TMPRSS13: variants seen among roughly 807,000 people sequenced by gnomAD.
The protein encoded by TMPRSS13 is transmembrane protease serine 13.
A neutral mutation model predicts 68.4 loss-of-function variants in TMPRSS13; 50 were observed. The ratio of observed to expected loss-of-function variants is 0.73; its 90% CI spans 0.58 to 0.93. The LOEUF (loss-of-function observed/expected upper bound fraction) is 0.93, where lower values mean the gene tolerates loss of function less well. TMPRSS13 is among the 40% of genes least tolerant of loss of function. TMPRSS13 has a pLI of 0.00. For synonymous variants in TMPRSS13, 267 were observed against 285.8 expected, an observed-to-expected ratio of 0.93 and a Z score of 0.66; for missense variants, 615 against 729.2, an observed-to-expected ratio of 0.84 and a Z score of 1.80.
intron 12 of TMPRSS13, 170 bp downstream of exon 12, chr11:117,903,471 GCAGGGAAAGAAACA>G: frequency 6.5e-7 from 1 of 1,539,070 alleles, no homozygotes; most frequent in East Asian, 2.4e-5. Flanking sequence ...GGGAAGAAAA[GCAGGGAAAGAAACA>G]CAGACAGCTG....
At chr11:117,903,851 C>G in intron 11 of TMPRSS13, 44 bp from the exon 12 acceptor site, 1 of 1,601,422 alleles carries the variant, frequency 6.2e-7, no homozygotes, top group Non-Finnish European at 8.5e-7. Flanking sequence ...GACAGGTGGT[C>G]CATGAGCGGG....
At position 117,903,943 on chromosome 11, in the gene TMPRSS13, C is replaced by A; in HGVS notation, c.1524+16G>T. ...CAGGGTGCTGGGACCTGAGCCCCAC[C>A]CACAGGTACCCTCACCTGGCAGGAG... On this transcript the variant is annotated intron_variant, in intron 11 of 12. Coordinates refer to ENST00000524993, the MANE Select transcript of TMPRSS13 (RefSeq NM_001077263.3). The A allele has an allele frequency of 6.2e-7, 1 of 1,609,184 alleles. No homozygotes were observed. Among genetic ancestry groups the A allele is most frequent in the East Asian group, 2.2e-5 (1 of 44,606 alleles).
rs925149003 is a variant in TMPRSS13, at chr11:117,914,434, C to T, written c.637G>A (p.Gly213Arg). 4.2e-5 allele frequency: 67 copies of T among 1,613,978 alleles called. No individual in the cohort carries two copies. Among genetic ancestry groups the T allele is most frequent in the Middle Eastern group, 1.6e-4 (1 of 6,084 alleles). ...CTCTTCAGCTTGCAGTCCACCACCCCGTCACAGCGAACAGCGTGCTTGGGA... is the reference window on the plus strand; with the variant it reads ...CTCTTCAGCTTGCAGTCCACCACCCTGTCACAGCGAACAGCGTGCTTGGGA... ...SCPKHAVRCD[G>R]VVDCKLKSDE... is the part of the protein sequence containing the mutation. The change falls in exon 4 of 13, where the codon GGG (glycine) becomes AGG (arginine). Residue 213 changes from glycine to arginine, a missense_variant. Gly to Arg is a moderately radical substitution (Grantham distance 125). Coordinates refer to ENST00000524993, the MANE Select transcript of TMPRSS13 (RefSeq NM_001077263.3). This position sits in a 1 kb window ranked among gnomAD's most constrained non-coding sequence, Gnocchi z 4.2.
Position 117,918,645 on chromosome 11 carries a change from C to T in TMPRSS13, c.215G>A (p.Gly72Asp). Residue 72 changes from glycine (G) to aspartate (D), a missense_variant, in exon 2 of 13, where the codon GGC becomes GAC. Transcript: ENST00000524993. The part of the protein sequence containing the change: ...AGTPPGRASP[G>D]RASPAQASPA... ...AGATGCCTGGGCTGGAGATGCCCGG[C>T]CTGGAGATGCCCGGCCTGGAGGTGT... The T allele has an allele frequency of 1.3e-6, 2 of 1,581,722 alleles. No individual in the cohort carries two copies. The highest frequency in any genetic ancestry group is 1.7e-6 in the Non-Finnish European group (2 of 1,163,990).
intron 8 of TMPRSS13, 127 bp from the exon 9 acceptor site, chr11:117,908,911 C>T: frequency 2.2e-6 from 2 of 903,508 alleles, no homozygotes; most frequent in East Asian, 5.3e-5. Flanking sequence ...AAAATGACCT[C>T]TGGAGGGAAC....
chr11:117,906,370 C>A (rs114744837), intron 9 of TMPRSS13, among the ~76,000 whole-genome samples: 2 of 152,204 alleles, frequency 1.3e-5, no homozygotes, highest in African/African-American at 4.8e-5. Context: ...ACTTCATAAG[C>A]TCTGAGGACT....
chr11:117,908,292 C>T (rs1269169630), intron 9 of TMPRSS13: 14 of 547,526 alleles, frequency 2.6e-5, no homozygotes, highest in Non-Finnish European at 6.4e-6. Flanking sequence ...CCTACCATAG[C>T]GTTTGGCCCC....
chr11:117,917,650 T>C (rs867581671), intron 2 of TMPRSS13, among the ~76,000 whole-genome samples: 8 of 152,138 alleles, frequency 5.3e-5, no homozygotes, highest in African/African-American at 1.9e-4. Flanking sequence ...CAGGGTTACT[T>C]GGTGAGTTAG....
chr11:117,917,321 C>A, intron 2 of TMPRSS13, 47 bp from the exon 3 acceptor site: 1 of 1,467,166 alleles, frequency 6.8e-7, no homozygotes, highest in South Asian at 1.2e-5. Context: ...GAGAGGAGTC[C>A]GACGAGATGG....
rs758139152 is a variant in TMPRSS13, at chr11:117,910,727, T to C, written c.926A>G (p.Tyr309Cys). 4 of 1,609,190 alleles carry C rather than the reference T, an allele frequency of 2.5e-6. No individual in the cohort carries two copies. Among genetic ancestry groups the C allele is most frequent in the Non-Finnish European group, 2.5e-6 (3 of 1,177,264 alleles). The change falls in exon 7 of 13, where the codon TAT becomes TGT. Residue 309 changes from tyrosine (Y) to cysteine (C), a missense_variant. Transcript: ENST00000524993. ...LHRSECPSQR[Y>C]ISLQCSHCGL... ...CTTACGGGAACACTGGAGAGAGATATACCGCTGGGAAGGGCATTCAGACCT... is the reference window on the plus strand; with the variant it reads ...CTTACGGGAACACTGGAGAGAGATACACCGCTGGGAAGGGCATTCAGACCT...
intron 8 of TMPRSS13, 59 bp downstream of exon 8, chr11:117,909,747 C>T: frequency 6.4e-7 from 1 of 1,559,602 alleles, no homozygotes; most frequent in Admixed American, 1.7e-5. Context: ...TGCAGCCAGC[C>T]CTTCCTGGTG....
chr11:117,909,236 T>C (rs1231832251), intron 8 of TMPRSS13, among the ~76,000 whole-genome samples: 1 of 152,120 alleles, frequency 6.6e-6, no homozygotes, highest in East Asian at 1.9e-4. Flanking sequence ...ACTGATAAGA[T>C]CTCAGTATTA....
At position 117,912,186 on chromosome 11, in the gene TMPRSS13, G is replaced by T. The variant is rs564064235; in HGVS notation, c.810-326C>A. Among the ~76,000 whole-genome samples the T allele has an allele frequency of 5.3e-5, 8 of 152,284 alleles. No individual in the cohort carries two copies. The South Asian group carries it at 1.7e-3, about 32-fold the overall frequency. On this transcript the variant is annotated intron_variant, in intron 5 of 12. Transcript: ENST00000524993. ...GCAATGCTTCTGAATCAGAAGCTCTGGGTGTGGGCCCAGCGATCACCATTT... is the reference window on the plus strand; with the variant it reads ...GCAATGCTTCTGAATCAGAAGCTCTTGGTGTGGGCCCAGCGATCACCATTT...
chr11:117,927,060 C>T (rs150550203), intron 1 of TMPRSS13, among the ~76,000 whole-genome samples: 19 of 152,308 alleles, frequency 1.2e-4, no homozygotes, highest in East Asian at 7.7e-4. Flanking sequence ...CTCAACTGGA[C>T]GTGTAAACAG....
intron 9 of TMPRSS13, among the ~76,000 whole-genome samples, chr11:117,907,264 T>G (rs2057472360): frequency 6.6e-6 from 1 of 152,052 alleles, no homozygotes; most frequent in Non-Finnish European, 1.5e-5. Context: ...ATCCCTCACC[T>G]CAGCCCTGGA....
chr11:117,902,411 T>G (rs2134870248), intron 12 of TMPRSS13, 146 bp from the exon 13 acceptor site: 1 of 859,914 alleles, frequency 1.2e-6, no homozygotes, highest in South Asian at 1.4e-5. Flanking sequence ...AGGGAAAGGA[T>G]GGATGCAGGA....
intron 12 of TMPRSS13, chr11:117,903,220 C>G: frequency 3.0e-6 from 4 of 1,353,700 alleles, no homozygotes; most frequent in Non-Finnish European, 1.9e-6. Context: ...ACAACAACAA[C>G]AACAAAAAGA....
chr11:117,919,161 G>A (rs2057617259), intron 1 of TMPRSS13, among the ~76,000 whole-genome samples: 1 of 152,204 alleles, frequency 6.6e-6, no homozygotes, highest in Non-Finnish European at 1.5e-5. Context: ...AAAGGAAGAG[G>A]CTGCTGGGTT....
intron 9 of TMPRSS13, chr11:117,907,706 G>A: frequency 4.1e-6 from 3 of 739,028 alleles, no homozygotes; most frequent in Non-Finnish European, 5.0e-6. Flanking sequence ...CCTCTGCTGA[G>A]CTTCCCCTAG....
Sources: allele counts gnomAD v4.1 joint callset (sites outside exome capture counted in the v4.1 genomes callset), GRCh38; gene constraint gnomAD v4.1.1; non-coding constraint Gnocchi (gnomAD v3.1); transcripts MANE v1.5; gene names NCBI Gene and HGNC (gene_info 2026-07-23, HGNC 2026-07-21).